Variants in LYPD6B observed in about 807,000 individuals in gnomAD.
LYPD6B encodes ly6/PLAUR domain-containing protein 6B.
Under a neutral mutation model 22.8 loss-of-function variants are expected in LYPD6B, and 17 were observed. The ratio of observed to expected loss-of-function variants is 0.75; its 90% CI spans 0.51 to 1.12. The LOEUF (loss-of-function observed/expected upper bound fraction) is 1.12, where lower values mean the gene tolerates loss of function less well. LYPD6B is among the 50% of genes most tolerant of loss of function. The pLI, the probability that LYPD6B is intolerant of heterozygous loss-of-function variation, is 0.00. For synonymous variants in LYPD6B, 106 were observed against 91.6 expected (o/e 1.16, Z -0.90); for missense variants, 221 against 258.3 (o/e 0.86, Z 0.99).
At chr2:149,043,076 A>G (rs1460835220) in intron 1 of LYPD6B, among the ~76,000 whole-genome samples, 1 of 152,198 alleles carries the variant, frequency 6.6e-6, no homozygotes, top group East Asian at 1.9e-4. Flanking sequence ...ATTATGTTCC[A>G]GAATTGTTTA....
intron 3 of LYPD6B, among the ~76,000 whole-genome samples, chr2:149,194,272 T>A (rs1324778578): frequency 6.6e-6 from 1 of 152,192 alleles, no homozygotes; most frequent in East Asian, 1.9e-4. Flanking sequence ...GAGGCTACTC[T>A]TTATTCGTTG....
chr2:149,080,841 CAAAAAAAAAAAAAA>C (rs35803068), intron 1 of LYPD6B, among the ~76,000 whole-genome samples: 1 of 46,226 alleles, frequency 2.2e-5, no homozygotes, highest in East Asian at 9.1e-4. Flanking sequence ...GACTCTATCT[CAAAAAAAAAAAAAA>C]AAAAAAAAAA....
chr2:149,205,508 T>A (rs1693457377), intron 4 of LYPD6B, 104 bp downstream of exon 4: 2 of 1,241,182 alleles, frequency 1.6e-6, no homozygotes, highest in East Asian at 2.3e-5. Flanking sequence ...CCAGAACATT[T>A]GTTTTATCCC....
rs397831310 is a variant in LYPD6B, at chr2:149,088,101, C to CG, written c.-66-42782_-66-42781insG. 2.6e-4 allele frequency among the ~76,000 whole-genome samples: 39 copies of CG among 151,482 alleles called. 1 individual carries two copies. The highest frequency in any genetic ancestry group is 1.4e-3 in the East Asian group (7 of 5,134). On this transcript the variant is annotated intron_variant, in intron 1 of 6. Coordinates refer to ENST00000409642, the MANE Select transcript of LYPD6B (RefSeq NM_177964.5). The stretch of plus-strand genomic sequence containing the variant: ...AGTAACCCCCTCCTGTTGCTCCCCC[C>CG]ACCCAACTTTATGTCCCCTACTGTC...
rs772715445 is a variant in LYPD6B at position 149,214,580 on chromosome 2, A to G, written c.494A>G (p.Asn165Ser). The G allele has an allele frequency of 1.2e-6, 2 of 1,613,860 alleles. No homozygotes were observed. Among genetic ancestry groups the G allele is most frequent in the Admixed American group, 3.3e-5 (2 of 60,008 alleles). ...TCTTGCTGTGAAGGAATGATCTGCA[A>G]TGTAGAATTACCCACCAATCACACT... Reference protein sequence around the residue: ...CRSCCEGMICNVELPTNHTNA... With the variant: ...CRSCCEGMICSVELPTNHTNA... The change falls in exon 7 of 7, where the codon AAT becomes AGT. Residue 165 changes from asparagine to serine, a missense_variant. Transcript: ENST00000409642.
chr2:149,097,360 T>C (rs1241213173), intron 1 of LYPD6B, among the ~76,000 whole-genome samples: 1 of 152,236 alleles, frequency 6.6e-6, no homozygotes. Flanking sequence ...CATCCTTTTG[T>C]GTACACCATA....
intron 3 of LYPD6B, among the ~76,000 whole-genome samples, chr2:149,186,845 A>G (rs548806039): frequency 8.5e-5 from 13 of 152,346 alleles, no homozygotes; most frequent in Non-Finnish European, 1.6e-4. Flanking sequence ...ATTAACCAGT[A>G]TCACATGCTA....
At chr2:149,140,920 A>G (rs1002996338) in intron 2 of LYPD6B, among the ~76,000 whole-genome samples, 1 of 152,222 alleles carries the variant, frequency 6.6e-6, no homozygotes, top group Non-Finnish European at 1.5e-5. Context: ...TGGCCAAAAC[A>G]TAAAACAATG....
chr2:149,105,572 T>TA (rs2105509071), intron 1 of LYPD6B, among the ~76,000 whole-genome samples: 1 of 152,264 alleles, frequency 6.6e-6, no homozygotes, highest in Non-Finnish European at 1.5e-5. Context: ...TATTTATAAA[T>TA]AATAATGGCT....
At chr2:149,074,531 C>T (rs1037516186) in intron 1 of LYPD6B, among the ~76,000 whole-genome samples, 1 of 152,208 alleles carries the variant, frequency 6.6e-6, no homozygotes, top group African/African-American at 2.4e-5. Flanking sequence ...AGGGCACGCA[C>T]AAAGGCTTTT....
chr2:149,152,124 TTA>T (rs1689420235), intron 2 of LYPD6B, among the ~76,000 whole-genome samples: 6 of 151,966 alleles, frequency 3.9e-5, no homozygotes. Context: ...AGAATTTCTT[TTA>T]TGTTTCTTTT....
At chr2:149,170,458 T>C (rs1432503417) in intron 3 of LYPD6B, among the ~76,000 whole-genome samples, 1 of 152,058 alleles carries the variant, frequency 6.6e-6, no homozygotes, top group Non-Finnish European at 1.5e-5. Context: ...CTATGTCCTG[T>C]TGTGCCTGAT....
chr2:149,158,318 A>G (rs570532501), intron 2 of LYPD6B, among the ~76,000 whole-genome samples: 3 of 152,354 alleles, frequency 2.0e-5, no homozygotes, highest in Non-Finnish European at 2.9e-5. Flanking sequence ...TATACTTACA[A>G]TGGAATATTA....
intron 1 of LYPD6B, among the ~76,000 whole-genome samples, chr2:149,125,768 G>A (rs1261313122): frequency 2.6e-5 from 4 of 151,994 alleles, no homozygotes; most frequent in African/African-American, 7.3e-5. Context: ...TTACAGAGAC[G>A]TTTTAAAAAT....
At chr2:149,212,323 A>C (rs1435619986) in intron 5 of LYPD6B, among the ~76,000 whole-genome samples, 3 of 132,164 alleles carry the variant, frequency 2.3e-5, no homozygotes, top group East Asian at 2.7e-4. Context: ...CAGGGCTTGC[A>C]GTGAGCCGAG....
chr2:149,074,531 C>G (rs1037516186), intron 1 of LYPD6B, among the ~76,000 whole-genome samples: 2 of 152,208 alleles, frequency 1.3e-5, no homozygotes, highest in Admixed American at 1.3e-4. Context: ...AGGGCACGCA[C>G]AAAGGCTTTT....
At chr2:149,110,694 GTT>G (rs1353712049) in intron 1 of LYPD6B, among the ~76,000 whole-genome samples, 1 of 152,086 alleles carries the variant, frequency 6.6e-6, no homozygotes, top group Non-Finnish European at 1.5e-5. Flanking sequence ...TTAGAGATGT[GTT>G]TCGTTTATTC....
intron 1 of LYPD6B, among the ~76,000 whole-genome samples, chr2:149,104,253 T>C (rs12470320): frequency 0.37 from 56,040 of 151,996 alleles, 10,736 homozygotes; most frequent in Non-Finnish European, 0.39. Flanking sequence ...TGTTTTCTTT[T>C]CTGTTGGGTA....
chr2:149,097,531 C>A (rs986843415), intron 1 of LYPD6B, among the ~76,000 whole-genome samples: 7 of 152,206 alleles, frequency 4.6e-5, no homozygotes, highest in African/African-American at 1.7e-4. Context: ...GAACTAGCAA[C>A]TCAGGGAGAG....
Sources: allele counts gnomAD v4.1 joint callset (sites outside exome capture counted in the v4.1 genomes callset), GRCh38; gene constraint gnomAD v4.1.1; transcripts MANE v1.5; gene names NCBI Gene and HGNC (gene_info 2026-07-23, HGNC 2026-07-21).